FER: variants seen among roughly 807,000 people sequenced by gnomAD.
FER encodes the protein FER tyrosine kinase.
In FER, 63 loss-of-function variants were observed where a neutral mutation model predicts 111.0. That is an observed-to-expected ratio of 0.57 (90% confidence interval 0.46 to 0.70). The LOEUF (loss-of-function observed/expected upper bound fraction) is 0.70. Among genes scored for constraint, FER ranks in the 30% least tolerant of loss-of-function variants. The probability of loss-of-function intolerance (pLI) is 0.00; values close to 1 mark genes in which losing one functional copy is unlikely to be tolerated. For missense variants in FER, 914 were observed against 954.0 expected (o/e 0.96, Z 0.55); for synonymous variants, 327 against 313.9 (o/e 1.04, Z -0.44).
intron 8 of FER, among the ~76,000 whole-genome samples, chr5:108,877,087 A>G (rs192650952): frequency 5.3e-5 from 8 of 152,314 alleles, no homozygotes; most frequent in African/African-American, 7.2e-5. Flanking sequence ...GATGATACCA[A>G]TTTAACCCAT....
At chr5:109,181,970 T>G (rs972764065) in intron 18 of FER, among the ~76,000 whole-genome samples, 1 of 152,224 alleles carries the variant, frequency 6.6e-6, no homozygotes, top group Non-Finnish European at 1.5e-5. Flanking sequence ...ATTTACCTAT[T>G]CTGGGAATTT....
At chr5:108,998,838 T>G (rs1453735034) in intron 13 of FER, among the ~76,000 whole-genome samples, 1 of 152,224 alleles carries the variant, frequency 6.6e-6, no homozygotes, top group Non-Finnish European at 1.5e-5. Flanking sequence ...CTTTCTGGTG[T>G]GCTGCTGGAT....
At chr5:109,128,879 A>C (rs1464051392) in intron 17 of FER, among the ~76,000 whole-genome samples, 2 of 152,104 alleles carry the variant, frequency 1.3e-5, no homozygotes, top group African/African-American at 4.8e-5. Flanking sequence ...AACATTGTAA[A>C]ATAAAGAAGG....
At chr5:108,886,588 T>G (rs1473340811) in intron 9 of FER, among the ~76,000 whole-genome samples, 2 of 151,626 alleles carry the variant, frequency 1.3e-5, no homozygotes, top group African/African-American at 4.8e-5. Context: ...ACATACATAG[T>G]AAATGGTAGA....
At chr5:109,160,491 G>T (rs187087898) in intron 17 of FER, among the ~76,000 whole-genome samples, 4 of 152,100 alleles carry the variant, frequency 2.6e-5, no homozygotes, top group Admixed American at 2.0e-4. Flanking sequence ...GCATCCAGTC[G>T]TAACTTGCTG....
chr5:108,791,615 T>C (rs1282492291), intron 2 of FER, among the ~76,000 whole-genome samples: 1 of 149,188 alleles, frequency 6.7e-6, no homozygotes, highest in Non-Finnish European at 1.5e-5. Flanking sequence ...GTAAATATTT[T>C]CTCCCATTCT....
chr5:109,167,910 G>A (rs941203695), intron 17 of FER, among the ~76,000 whole-genome samples: 8 of 152,146 alleles, frequency 5.3e-5, no homozygotes, highest in African/African-American at 1.4e-4. Flanking sequence ...ATAGCTGAGG[G>A]TAAAGAAATG....
intron 13 of FER, among the ~76,000 whole-genome samples, chr5:109,009,701 A>T (rs1173515858): frequency 1.3e-5 from 2 of 152,236 alleles, no homozygotes; most frequent in African/African-American, 2.4e-5. Context: ...GTCTTAAAAA[A>T]TAATGTTTTA....
chr5:109,117,494 A>AT (rs1448508456), intron 17 of FER, among the ~76,000 whole-genome samples: 2 of 152,144 alleles, frequency 1.3e-5, no homozygotes, highest in Admixed American at 1.3e-4. Flanking sequence ...GTATGCCTAA[A>AT]TTTTTATAAT....
intron 13 of FER, among the ~76,000 whole-genome samples, chr5:108,977,366 A>G (rs1761494000): frequency 1.3e-5 from 2 of 152,164 alleles, no homozygotes; most frequent in Non-Finnish European, 2.9e-5. Flanking sequence ...GATTCATGAC[A>G]TACCTTTTTC....
intron 17 of FER, among the ~76,000 whole-genome samples, chr5:109,127,767 A>G (rs562772268): frequency 3.1e-4 from 47 of 152,308 alleles, no homozygotes; most frequent in African/African-American, 1.1e-3. Context: ...GTCATTAAAA[A>G]TGAAAATATT....
At chr5:108,929,794 A>T (rs1337530879) in intron 10 of FER, among the ~76,000 whole-genome samples, 1 of 152,194 alleles carries the variant, frequency 6.6e-6, no homozygotes, top group Admixed American at 6.5e-5. Context: ...AACGTACAAA[A>T]TACAGATAGA....
At chr5:109,069,836 T>C (rs1008160206) in intron 16 of FER, among the ~76,000 whole-genome samples, 1 of 152,150 alleles carries the variant, frequency 6.6e-6, no homozygotes, top group Non-Finnish European at 1.5e-5. Flanking sequence ...AATAAAAACC[T>C]TAAATGTAAT....
chr5:109,015,721 A>T (rs183314615), intron 13 of FER, among the ~76,000 whole-genome samples: 34 of 152,112 alleles, frequency 2.2e-4, no homozygotes, highest in African/African-American at 6.7e-4. Flanking sequence ...ATCATGAGCA[A>T]CCCTATATTT....
chr5:108,836,638 AT>A (rs1760692101), intron 5 of FER, among the ~76,000 whole-genome samples: 1 of 151,910 alleles, frequency 6.6e-6, no homozygotes, highest in South Asian at 2.1e-4. Flanking sequence ...TTTATCTTTC[AT>A]TTGTTAAACA....
intron 13 of FER, among the ~76,000 whole-genome samples, chr5:109,035,706 A>G (rs1322009941): frequency 6.6e-6 from 1 of 152,192 alleles, no homozygotes; most frequent in Non-Finnish European, 1.5e-5. Flanking sequence ...GAAACTTCCA[A>G]ATTATTTTCC....
intron 18 of FER, among the ~76,000 whole-genome samples, chr5:109,181,869 A>G (rs899285029): frequency 6.6e-6 from 1 of 152,226 alleles, no homozygotes; most frequent in Admixed American, 6.5e-5. Context: ...CATCACTCCA[A>G]AATAAAACCC....
chr5:108,803,963 G>A (rs561092156), intron 3 of FER, among the ~76,000 whole-genome samples: 10 of 152,194 alleles, frequency 6.6e-5, no homozygotes, highest in South Asian at 2.1e-4. Context: ...CAGACCGTCC[G>A]CACAGAATGT....
chr5:109,177,473 A>C (rs1385623133), intron 17 of FER: 3 of 152,114 alleles, frequency 2.0e-5, no homozygotes, highest in Non-Finnish European at 4.4e-5. Flanking sequence ...CAGCATTGCA[A>C]AGGAGAACTC....
Sources: gnomAD v4.1 joint callset for allele counts (sites outside exome capture counted in the v4.1 genomes callset) on GRCh38, gnomAD v4.1.1 for gene constraint, MANE v1.5 for transcripts, NCBI Gene and HGNC (gene_info 2026-07-23, HGNC 2026-07-21) for gene names.